Variants in MRPS9 observed in about 807,000 individuals in gnomAD.
MRPS9 encodes small ribosomal subunit protein uS9m.
MRPS9 carries 45 observed loss-of-function variants against 59.9 expected under a neutral mutation model. The observed-to-expected ratio is 0.75, with a 90% CI of 0.59 to 0.96. The LOEUF (loss-of-function observed/expected upper bound fraction) is 0.96. Among genes scored for constraint, MRPS9 ranks in the 40% least tolerant of loss-of-function variants. MRPS9 has a pLI of 0.00. For synonymous variants in MRPS9, 171 were observed against 166.8 expected, an observed-to-expected ratio of 1.03 and a Z score of -0.19; for missense variants, 473 against 481.1, an observed-to-expected ratio of 0.98 and a Z score of 0.16.
At chr2:105,088,895 T>C in intron 5 of MRPS9, 89 bp from the exon 6 acceptor site, 1 of 851,568 alleles carries the variant, frequency 1.2e-6, no homozygotes, top group Non-Finnish European at 1.8e-6. Flanking sequence ...TAGGAAGTAC[T>C]TACAGGAGAA....
Position 105,038,178 on chromosome 2 carries a change from G to C in MRPS9, c.86G>C (p.Gly29Ala). The C allele has an allele frequency of 6.2e-7, 1 of 1,613,514 alleles. No individual in the cohort carries two copies. Among genetic ancestry groups the C allele is most frequent in the Non-Finnish European group, 8.5e-7 (1 of 1,179,792 alleles). The change falls in exon 1 of 11, where the codon GGC becomes GCC. Residue 29 changes from glycine to alanine, a missense_variant. Gly to Ala is a moderately conservative substitution (Grantham distance 60). Transcript: ENST00000258455. ...WGRGSLARKQ[G>A]LWKTAAPELQ... ...AGGGGTAGCCTCGCCCGGAAGCAAG[G>C]CCTCTGGAAAACCGCGGCCCCTGAG...
intron 4 of MRPS9, among the ~76,000 whole-genome samples, chr2:105,073,560 C>T (rs1276310378): frequency 6.6e-6 from 1 of 152,070 alleles, no homozygotes; most frequent in Admixed American, 6.5e-5. Flanking sequence ...GATTTTGACA[C>T]TTATAGTGTA....
At chr2:105,070,602 A>G (rs777105880) in intron 2 of MRPS9, among the ~76,000 whole-genome samples, 4 of 152,208 alleles carry the variant, frequency 2.6e-5, no homozygotes, top group Non-Finnish European at 5.9e-5. Flanking sequence ...AGAAGACACT[A>G]TAAAAGGCTT....
chr2:105,064,365 A>G (rs1679959970), intron 2 of MRPS9, among the ~76,000 whole-genome samples: 1 of 152,190 alleles, frequency 6.6e-6, no homozygotes, highest in African/African-American at 2.4e-5. Context: ...CCAGATTGAA[A>G]TCTGGGGAAG....
intron 6 of MRPS9, among the ~76,000 whole-genome samples, chr2:105,089,488 C>A (rs187322932): frequency 6.6e-6 from 1 of 152,324 alleles, no homozygotes; most frequent in East Asian, 1.9e-4. Context: ...TTTGGCCTAT[C>A]TATTCAAGAT....
At chr2:105,060,937 C>T (rs973924547) in intron 2 of MRPS9, among the ~76,000 whole-genome samples, 5 of 151,588 alleles carry the variant, frequency 3.3e-5, no homozygotes, top group African/African-American at 9.7e-5. Flanking sequence ...CCGTGAAACC[C>T]TGTCTCTACT....
intron 2 of MRPS9, among the ~76,000 whole-genome samples, chr2:105,050,122 A>G (rs1340078131): frequency 2.6e-5 from 4 of 151,576 alleles, no homozygotes; most frequent in Non-Finnish European, 5.9e-5. Flanking sequence ...ATTCAACCAG[A>G]AGGATTTTTT....
At chr2:105,098,660 A>G (rs1680722125) in intron 10 of MRPS9, 1 of 152,194 alleles carries the variant, frequency 6.6e-6, no homozygotes, top group South Asian at 2.1e-4. Context: ...GTTTTATTCC[A>G]TGCATGTCCT....
chr2:105,045,648 A>G (rs1262387679), intron 1 of MRPS9, among the ~76,000 whole-genome samples: 1 of 152,148 alleles, frequency 6.6e-6, no homozygotes, highest in African/African-American at 2.4e-5. Context: ...AAACTTTGTA[A>G]TGCTGAACGG....
At chr2:105,043,621 T>C (rs1679539294) in intron 1 of MRPS9, among the ~76,000 whole-genome samples, 1 of 152,064 alleles carries the variant, frequency 6.6e-6, no homozygotes, top group Non-Finnish European at 1.5e-5. Context: ...TTTTTTAGAA[T>C]TTTTATTTAT....
chr2:105,038,691 T>C (rs1466157468), intron 1 of MRPS9, among the ~76,000 whole-genome samples: 3 of 152,182 alleles, frequency 2.0e-5, no homozygotes, highest in Non-Finnish European at 4.4e-5. Flanking sequence ...ATGCGCAATT[T>C]CTGGCTTCTT....
chr2:105,067,034 G>A (rs778243458), intron 2 of MRPS9, among the ~76,000 whole-genome samples: 3 of 151,956 alleles, frequency 2.0e-5, no homozygotes, highest in African/African-American at 2.4e-5. Flanking sequence ...TTTCTTTATC[G>A]CTTTGTATAT....
chr2:105,038,381 G>C, intron 1 of MRPS9, 154 bp downstream of exon 1: 1 of 973,508 alleles, frequency 1.0e-6, no homozygotes, highest in East Asian at 2.6e-5. Flanking sequence ...GGGAGGAGGT[G>C]GGTATTGGCG....
Position 105,097,146 on chromosome 2 carries a change from G to A in MRPS9, c.930-9G>A, listed in dbSNP as rs1215786488. 3.3e-6 allele frequency: 5 copies of A among 1,530,792 alleles called. No homozygotes were observed. The highest frequency in any genetic ancestry group is 1.4e-5 in the African/African-American group (1 of 71,736). 94.8% of individuals were successfully genotyped at this position (1,530,792 alleles called of 1,614,324 possible). A position where few individuals can be genotyped will look rare whatever the true frequency, so the allele number is the denominator to read the frequency against. On this transcript the variant is annotated splice_polypyrimidine_tract_variant and intron_variant, in intron 9 of 10. Transcript: ENST00000258455. ...AAACGTAACCACATTTACTTGTGCTGTGCTTTAGAGAACAGCTGATGTTCC... is the reference window on the plus strand; with the variant it reads ...AAACGTAACCACATTTACTTGTGCTATGCTTTAGAGAACAGCTGATGTTCC...
At chr2:105,056,826 T>C (rs1277774948) in intron 2 of MRPS9, among the ~76,000 whole-genome samples, 2 of 152,140 alleles carry the variant, frequency 1.3e-5, no homozygotes, top group Non-Finnish European at 2.9e-5. Context: ...TGTGAGTTGG[T>C]AAAAAGGAAT....
chr2:105,089,420 T>C (rs958556129), intron 6 of MRPS9, among the ~76,000 whole-genome samples: 1 of 147,878 alleles, frequency 6.8e-6, no homozygotes, highest in Non-Finnish European at 1.5e-5. Flanking sequence ...GGTTTCTGCT[T>C]CCATTTGGCA....
At chr2:105,088,467 A>G (rs1160922928) in intron 5 of MRPS9, among the ~76,000 whole-genome samples, 3 of 152,164 alleles carry the variant, frequency 2.0e-5, no homozygotes, top group Non-Finnish European at 4.4e-5. Flanking sequence ...AATAAAAAAT[A>G]TAATAGCTCT....
intron 2 of MRPS9, among the ~76,000 whole-genome samples, chr2:105,051,478 C>G (rs372909848): frequency 6.6e-6 from 1 of 152,106 alleles, no homozygotes; most frequent in African/African-American, 2.4e-5. Flanking sequence ...TGTAAGTAGT[C>G]TTCTTTCCTT....
At chr2:105,041,001 C>T (rs1019720870) in intron 1 of MRPS9, among the ~76,000 whole-genome samples, 1 of 152,128 alleles carries the variant, frequency 6.6e-6, no homozygotes, top group South Asian at 2.1e-4. Flanking sequence ...TGGGCTTTGT[C>T]AGCAACAATT....
Sources: allele counts gnomAD v4.1 joint callset (sites outside exome capture counted in the v4.1 genomes callset), GRCh38; gene constraint gnomAD v4.1.1; transcripts MANE v1.5; gene names NCBI Gene and HGNC (gene_info 2026-07-23, HGNC 2026-07-21).